Variants in EGFR observed in about 807,000 individuals in gnomAD.
EGFR encodes epidermal growth factor receptor, also known as avian erythroblastic leukemia viral (v-erb-b) oncogene homolog.
In EGFR, 58 loss-of-function variants were observed where a neutral mutation model predicts 143.0. That is an observed-to-expected ratio of 0.41 (90% CI 0.33 to 0.50). The LOEUF is 0.50. EGFR is among the 20% of genes least tolerant of loss of function. The pLI, the probability that EGFR is intolerant of heterozygous loss-of-function variation, is 0.39. For synonymous variants in EGFR, 613 were observed against 594.4 expected, an observed-to-expected ratio of 1.03 and a Z score of -0.45; for missense variants, 1,307 against 1,579.0, an observed-to-expected ratio of 0.83 and a Z score of 2.92.
chr7:55,064,284 C>T (rs1446311456), intron 1 of EGFR, among the ~76,000 whole-genome samples: 1 of 152,190 alleles, frequency 6.6e-6, no homozygotes, highest in African/African-American at 2.4e-5. Context: ...TCGTGTTCTT[C>T]CCCACTAGAA....
intron 1 of EGFR, among the ~76,000 whole-genome samples, chr7:55,088,900 G>A (rs1484382204): frequency 6.6e-6 from 1 of 152,088 alleles, no homozygotes; most frequent in Admixed American, 6.6e-5. Context: ...TTATTTGGCT[G>A]TATTTTACGT....
chr7:55,038,546 G>A (rs1044991063), intron 1 of EGFR, among the ~76,000 whole-genome samples: 5 of 152,190 alleles, frequency 3.3e-5, no homozygotes, highest in African/African-American at 1.2e-4. Flanking sequence ...GGCAGGGGTG[G>A]AACAGTTATG....
chr7:55,159,014 C>A (rs1785564610), intron 11 of EGFR, among the ~76,000 whole-genome samples: 1 of 152,318 alleles, frequency 6.6e-6, no homozygotes. Context: ...GCTGGCCCAG[C>A]CCCCAGCCTG....
intron 16 of EGFR, 49 bp downstream of exon 16, chr7:55,171,262 C>T: frequency 6.2e-7 from 1 of 1,608,784 alleles, no homozygotes; most frequent in African/African-American, 1.3e-5. Flanking sequence ...AGAATGACCA[C>T]ACTGCTGTGG....
chr7:55,165,452 AAGG>A lies in EGFR; in HGVS notation c.1880+18_1880+20del, dbSNP rs1167156969. ...TGCACCTACGGGTGAGTGGAAAGTG[AAGG>A]AGAACAGAACATTTCCTCTCTTGCA... On this transcript the variant is annotated intron_variant, in intron 15 of 27. Coordinates refer to ENST00000275493, the MANE Select transcript of EGFR (RefSeq NM_005228.5). 6.2e-7 allele frequency: 1 copy of A among 1,601,842 alleles called. No homozygotes were observed. The highest frequency in any genetic ancestry group is 2.2e-5 in the East Asian group (1 of 44,622).
intron 19 of EGFR, among the ~76,000 whole-genome samples, chr7:55,179,130 TA>T (rs1786738820): frequency 6.6e-6 from 1 of 152,246 alleles, no homozygotes; most frequent in South Asian, 2.1e-4. Flanking sequence ...AAGCGTGTGC[TA>T]GGGGCTGACC....
chr7:55,170,863 C>T, intron 15 of EGFR: 1 of 1,411,232 alleles, frequency 7.1e-7, no homozygotes, highest in Non-Finnish European at 9.2e-7. Flanking sequence ...ATTCTAGAGC[C>T]AGCTGTGGGA....
chr7:55,152,568 G>C lies in EGFR; in HGVS notation c.651G>C (p.Gln217His), dbSNP rs2128933689. Residue 217 changes from glutamine (Q) to histidine (H), a missense_variant, in exon 6 of 28, where the codon CAG becomes CAC. By Grantham distance (24) the Gln-to-His change is conservative. Transcript: ENST00000275493. The stretch of plus-strand genomic sequence containing the variant: ...CAGTGACCAAAATCATCTGTGCCCA[G>C]CAGTGCTCCGGGCGCTGCCGTGGCA... Reference protein sequence around the residue: ...CQKLTKIICAQQCSGRCRGKS... With the variant: ...CQKLTKIICAHQCSGRCRGKS... The C allele has an allele frequency of 6.2e-7, 1 of 1,613,998 alleles. No individual in the cohort carries two copies. Among genetic ancestry groups the C allele is most frequent in the Non-Finnish European group, 8.5e-7 (1 of 1,180,040 alleles).
chr7:55,133,797 C>T (rs954439328), intron 1 of EGFR, among the ~76,000 whole-genome samples: 6 of 152,172 alleles, frequency 3.9e-5, no homozygotes, highest in Non-Finnish European at 8.8e-5. Flanking sequence ...GCCACACGGC[C>T]CTGAAGCAGC....
intron 3 of EGFR, among the ~76,000 whole-genome samples, chr7:55,144,218 G>T (rs1209629562): frequency 6.6e-6 from 1 of 152,168 alleles, no homozygotes; most frequent in Non-Finnish European, 1.5e-5. Context: ...CCCGCCGAGG[G>T]TGAAGGCGTC....
At chr7:55,196,688 AT>A (rs1402555623) in intron 22 of EGFR, among the ~76,000 whole-genome samples, 1 of 151,274 alleles carries the variant, frequency 6.6e-6, no homozygotes. Flanking sequence ...TGTTGAGTTT[AT>A]TTTTGTGTAT....
intron 1 of EGFR, among the ~76,000 whole-genome samples, chr7:55,096,156 T>G (rs1791457746): frequency 6.6e-6 from 1 of 152,352 alleles, no homozygotes; most frequent in African/African-American, 2.4e-5. Context: ...CGATTTGAGG[T>G]GAGTTCAGCA....
rs545734602 is a variant in EGFR at position 55,137,440 on chromosome 7, G to C, written c.89-4846G>C. ...AGATTTGCCCAGGCTTGTGGGCAGAGTGGTATACACCCCATAATAGCAGAG... is the reference window on the plus strand; with the variant it reads ...AGATTTGCCCAGGCTTGTGGGCAGACTGGTATACACCCCATAATAGCAGAG... On this transcript the variant is annotated intron_variant, in intron 1 of 27. Coordinates refer to ENST00000275493, the MANE Select transcript of EGFR (RefSeq NM_005228.5). 4.6e-5 allele frequency among the ~76,000 whole-genome samples: 7 copies of C among 152,346 alleles called. No homozygotes were observed. In the South Asian group the frequency reaches 1.2e-3, roughly 27 times the overall value.
chr7:55,136,332 T>C (rs1429533770), intron 1 of EGFR, among the ~76,000 whole-genome samples: 2 of 152,198 alleles, frequency 1.3e-5, no homozygotes, highest in African/African-American at 4.8e-5. Flanking sequence ...GCTAGAAATA[T>C]TTTATAATGA....
chr7:55,019,307 G>C lies in EGFR; in HGVS notation c.30G>C (p.Ala10=), dbSNP rs757936561. The C allele has an allele frequency of 6.6e-7, 1 of 1,518,170 alleles. No homozygotes were observed. The highest frequency in any genetic ancestry group is 1.4e-5 in the African/African-American group (1 of 69,464). 94.0% of individuals were successfully genotyped at this position (1,518,170 alleles called of 1,614,324 possible). A position where few individuals can be genotyped will look rare whatever the true frequency, so the allele number is the denominator to read the frequency against. ...GACCCTCCGGGACGGCCGGGGCAGCGCTCCTGGCGCTGCTGGCTGCGCTCT... is the reference window on the plus strand; with the variant it reads ...GACCCTCCGGGACGGCCGGGGCAGCCCTCCTGGCGCTGCTGGCTGCGCTCT... MRPSGTAGA[A]LLALLAALCP... The change falls in exon 1 of 28, where the codon GCG becomes GCC. Residue 10 remains alanine, a synonymous_variant. Transcript: ENST00000275493.
intron 20 of EGFR, 151 bp from the exon 21 acceptor site, chr7:55,191,568 A>G (rs1787394721): frequency 1.0e-6 from 1 of 953,344 alleles, no homozygotes; most frequent in South Asian, 1.5e-5. Context: ...GCGCCTTTCC[A>G]TTCTTTGGAT....
At chr7:55,094,295 G>C (rs1474758046) in intron 1 of EGFR, among the ~76,000 whole-genome samples, 1 of 152,160 alleles carries the variant, frequency 6.6e-6, no homozygotes, top group Non-Finnish European at 1.5e-5. Flanking sequence ...CAGCTGCCTG[G>C]TGCAAGAGCC....
At chr7:55,072,890 T>G (rs1022875482) in intron 1 of EGFR, among the ~76,000 whole-genome samples, 1 of 152,214 alleles carries the variant, frequency 6.6e-6, no homozygotes, top group African/African-American at 2.4e-5. Flanking sequence ...TCATGATTTC[T>G]TTTTAGGTAC....
intron 1 of EGFR, among the ~76,000 whole-genome samples, chr7:55,039,107 G>A (rs980730121): frequency 6.6e-6 from 1 of 152,048 alleles, no homozygotes; most frequent in Non-Finnish European, 1.5e-5. Context: ...TTATTTTTTG[G>A]TGAAAAGGGC....
Sources: gnomAD v4.1 joint callset for allele counts (sites outside exome capture counted in the v4.1 genomes callset) on GRCh38, gnomAD v4.1.1 for gene constraint, MANE v1.5 for transcripts, NCBI Gene and HGNC (gene_info 2026-07-23, HGNC 2026-07-21) for gene names.